SLC35G6: variants seen among roughly 807,000 people sequenced by gnomAD.
SLC35G6 encodes acyl-malonyl condensing enzyme 1-like 3.
A neutral mutation model predicts 20.3 loss-of-function variants in SLC35G6; 18 were observed. That is an observed-to-expected ratio of 0.88 (90% confidence interval 0.61 to 1.31). SLC35G6 has a LOEUF of 1.31. Ranked by LOEUF, SLC35G6 falls within the 40% of genes most tolerant of loss-of-function variation. The pLI, the probability that SLC35G6 is intolerant of heterozygous loss-of-function variation, is 0.00. For synonymous variants in SLC35G6, 156 were observed against 200.9 expected (o/e 0.78, Z 1.89); for missense variants, 372 against 433.4 (o/e 0.86, Z 1.26).
Position 7,482,023 on chromosome 17 carries a change from C to T in SLC35G6, c.39C>T (p.Ser13=), listed in dbSNP as rs758689703. The part of the protein sequence containing the change: ...GSHPYLNPPD[S]THPSPPSAPP... ...ACCCCTACTTGAACCCGCCTGACTC[C>T]ACACACCCATCGCCGCCCTCCGCTC... is the stretch of plus-strand genomic sequence containing the variant. Residue 13 remains serine (S), a synonymous_variant, in exon 2 of 2, where the codon TCC becomes TCT. Coordinates refer to ENST00000412468, the MANE Select transcript of SLC35G6 (RefSeq NM_001102614.2). 7 of 1,610,912 alleles carry T rather than the reference C, an allele frequency of 4.3e-6. No individual in the cohort carries two copies. In the South Asian group the frequency reaches 7.7e-5, roughly 18 times the overall value.
chr17:7,483,002 G>T lies in SLC35G6; in HGVS notation c.*1G>T. The T allele has an allele frequency of 6.2e-7, 1 of 1,611,982 alleles. No homozygotes were observed. The highest frequency in any genetic ancestry group is 8.5e-7 in the Non-Finnish European group (1 of 1,179,848). ...GAGGGAAGGGAAGGTGGAGGAGTGA[G>T]ATAGAACTTGGGAGCCCGGGGGTTG... On this transcript the variant is annotated 3_prime_UTR_variant, in exon 2 of 2. Coordinates refer to ENST00000412468, the MANE Select transcript of SLC35G6 (RefSeq NM_001102614.2).
Position 7,482,762 on chromosome 17 carries a change from G to C in SLC35G6, c.778G>C (p.Gly260Arg), listed in dbSNP as rs1242920071. ...LPSWSCVGAV[G>R]ILALVSFTCV... ...GAGTTGGAGTTGTGTGGGGGCAGTGGGGATCCTCGCCTTGGTCTCCTTCAC... is the reference window on the plus strand; with the variant it reads ...GAGTTGGAGTTGTGTGGGGGCAGTGCGGATCCTCGCCTTGGTCTCCTTCAC... The change falls in exon 2 of 2, where the codon GGG (glycine) becomes CGG (arginine). Residue 260 changes from glycine (G) to arginine (R), a missense_variant. Physicochemically the swap from Gly to Arg is moderately radical, Grantham distance 125. Transcript: ENST00000412468. 1 of 1,611,940 alleles carries C rather than the reference G, an allele frequency of 6.2e-7. No homozygotes were observed. Among genetic ancestry groups the C allele is most frequent in the Non-Finnish European group, 8.5e-7 (1 of 1,179,880 alleles).
Position 7,482,850 on chromosome 17 carries a change from A to C in SLC35G6, c.866A>C (p.Glu289Ala). ...PALVCAVLHS[E>A]VVVALILQYY... ...CTGGTGTGCGCTGTCCTGCATTCCG[A>C]GGTGGTGGTGGCCCTTATACTGCAG... The change falls in exon 2 of 2, where the codon GAG becomes GCG. Residue 289 changes from glutamate to alanine, a missense_variant. Transcript: ENST00000412468. 1 of 1,611,882 alleles carries C rather than the reference A, an allele frequency of 6.2e-7. No homozygotes were observed. The highest frequency in any genetic ancestry group is 2.2e-5 in the East Asian group (1 of 44,868).
chr17:7,481,914 T>G, intron 1 of SLC35G6, 74 bp from the exon 2 acceptor site: 1 of 1,525,126 alleles, frequency 6.6e-7, no homozygotes, highest in South Asian at 1.3e-5. Flanking sequence ...CCAGACCCCA[T>G]CCTGGCATCT....
rs572181840 is a variant in SLC35G6 at position 7,483,444 on chromosome 17, C to G, written c.*443C>G. On this transcript the variant is annotated 3_prime_UTR_variant, in exon 2 of 2. Coordinates refer to ENST00000412468, the MANE Select transcript of SLC35G6 (RefSeq NM_001102614.2). Reference sequence around the variant, plus strand: ...TTCCTTTCCTCGTGCTTGTGCCCCCCCCTTGGGGTGGTGACGTGACATTGA... The same window carrying G: ...TTCCTTTCCTCGTGCTTGTGCCCCCGCCTTGGGGTGGTGACGTGACATTGA... The G allele has an allele frequency of 6.2e-5, 16 of 258,386 alleles. No homozygotes were observed. The highest frequency in any genetic ancestry group is 1.4e-3 in the Middle Eastern group (1 of 714). The allele number at this position is 258,386 out of a possible 1,614,324, so 16.0% of individuals were successfully genotyped here.
chr17:7,481,598 T>C, intron 1 of SLC35G6, 79 bp downstream of exon 1: 1 of 1,073,530 alleles, frequency 9.3e-7, no homozygotes, highest in Non-Finnish European at 1.3e-6. Context: ...TCCTAAAACT[T>C]AGCTGTCTCA....
At position 7,483,048 on chromosome 17, in the gene SLC35G6, A is replaced by G; in HGVS notation, c.*47A>G. On this transcript the variant is annotated 3_prime_UTR_variant, in exon 2 of 2. Coordinates refer to ENST00000412468, the MANE Select transcript of SLC35G6 (RefSeq NM_001102614.2). ...GGTTGGGAGGGACAGGGATAAATAG[A>G]GGCAAAGACTGAAGACAAACATGGG... 1 of 1,611,214 alleles carries G rather than the reference A, an allele frequency of 6.2e-7. No individual in the cohort carries two copies. Among genetic ancestry groups the G allele is most frequent in the East Asian group, 2.2e-5 (1 of 44,878 alleles).
chr17:7,482,204 A>G lies in SLC35G6; in HGVS notation c.220A>G (p.Ile74Val). The G allele has an allele frequency of 6.2e-7, 1 of 1,613,956 alleles. No homozygotes were observed. The highest frequency in any genetic ancestry group is 8.5e-7 in the Non-Finnish European group (1 of 1,179,876). Reference sequence around the variant, plus strand: ...CAACCTGCCCTCGCTGGAGCTGCTCATCTGTCGATGCCTCTTCCACCTCCC... The same window carrying G: ...CAACCTGCCCTCGCTGGAGCTGCTCGTCTGTCGATGCCTCTTCCACCTCCC... ...ASNLPSLELL[I>V]CRCLFHLPIA... Residue 74 changes from isoleucine (I) to valine (V), a missense_variant, in exon 2 of 2, where the codon ATC becomes GTC. Transcript: ENST00000412468.
At chr17:7,481,839 G>T in intron 1 of SLC35G6, 149 bp from the exon 2 acceptor site, 1 of 1,157,266 alleles carries the variant, frequency 8.6e-7, no homozygotes. Flanking sequence ...TCATCTTTTA[G>T]GCCCTTTCTA....
chr17:7,482,738 A>G lies in SLC35G6; in HGVS notation c.754A>G (p.Ser252Gly), dbSNP rs1451835871. ...CCCCGTGTTGCCCAGTGATCTCCCG[A>G]GTTGGAGTTGTGTGGGGGCAGTGGG... ...QPPVLPSDLP[S>G]WSCVGAVGIL... Residue 252 changes from serine to glycine, a missense_variant, in exon 2 of 2, where the codon AGT becomes GGT. Ser to Gly is a moderately conservative substitution (Grantham distance 56). Transcript: ENST00000412468. 1 of 1,611,826 alleles carries G rather than the reference A, an allele frequency of 6.2e-7. No individual in the cohort carries two copies. Among genetic ancestry groups the G allele is most frequent in the Non-Finnish European group, 8.5e-7 (1 of 1,179,812 alleles).
rs891487530 is a variant in SLC35G6, at chr17:7,483,265, C to T, written c.*264C>T. On this transcript the variant is annotated 3_prime_UTR_variant, in exon 2 of 2. Transcript: ENST00000412468. The stretch of plus-strand genomic sequence containing the variant: ...GTAAAGTCTGAGGAGCAGATCCAAA[C>T]GGCTGAGGCAGGGAGGCCGTGGGCC... 36 of 639,678 alleles carry T rather than the reference C, an allele frequency of 5.6e-5. No homozygotes were observed. The highest frequency in any genetic ancestry group is 9.4e-5 in the Admixed American group (3 of 32,078). The allele number at this position is 639,678 out of a possible 1,614,324, so 39.6% of individuals were successfully genotyped here. A position where few individuals can be genotyped will look rare whatever the true frequency, so the allele number is the denominator to read the frequency against.
chr17:7,481,846 T>C, intron 1 of SLC35G6, 142 bp from the exon 2 acceptor site: 1 of 1,240,468 alleles, frequency 8.1e-7, no homozygotes, highest in South Asian at 1.6e-5. Context: ...TTAGGCCCTT[T>C]CTAGCTCCGA....
At chr17:7,481,846 T>G (rs1286662859) in intron 1 of SLC35G6, 142 bp from the exon 2 acceptor site, 3 of 1,240,350 alleles carry the variant, frequency 2.4e-6, no homozygotes, top group East Asian at 5.1e-5. Context: ...TTAGGCCCTT[T>G]CTAGCTCCGA....
At position 7,482,697 on chromosome 17, in the gene SLC35G6, T is replaced by A. The variant is rs777942524; in HGVS notation, c.713T>A (p.Leu238His). ...LVGLLGSVPG[L>H]FVLQPPVLPS... Reference sequence around the variant, plus strand: ...GGGCTGCTGGGCTCTGTGCCAGGCCTCTTTGTGCTGCAGCCCCCCGTGTTG... The same window carrying A: ...GGGCTGCTGGGCTCTGTGCCAGGCCACTTTGTGCTGCAGCCCCCCGTGTTG... Residue 238 changes from leucine to histidine, a missense_variant, in exon 2 of 2, where the codon CTC becomes CAC. By Grantham distance (99) the Leu-to-His change is moderately conservative. Coordinates refer to ENST00000412468, the MANE Select transcript of SLC35G6 (RefSeq NM_001102614.2). 1.2e-6 allele frequency: 2 copies of A among 1,612,044 alleles called. No individual in the cohort carries two copies. The highest frequency in any genetic ancestry group is 4.5e-5 in the East Asian group (2 of 44,884).
Position 7,481,571 on chromosome 17 carries a change from C to T in SLC35G6, c.3+52C>T, listed in dbSNP as rs2070345926. 2.2e-6 allele frequency: 3 copies of T among 1,340,590 alleles called. No individual in the cohort carries two copies. The East Asian group carries it at 7.7e-5, about 34-fold the overall frequency. The allele number at this position is 1,340,590 out of a possible 1,614,324, so 83.0% of individuals were successfully genotyped here. A position where few individuals can be genotyped will look rare whatever the true frequency, so the allele number is the denominator to read the frequency against. ...ACTCCCTCCCTATAGCTCCTGGTTG[C>T]TCCATTTCCCCTCCTTTCCTAAAAC... On this transcript the variant is annotated intron_variant, in intron 1 of 1. Transcript: ENST00000412468.
rs776590721 is a variant in SLC35G6, at chr17:7,482,283, T to C, written c.299T>C (p.Ile100Thr). The C allele has an allele frequency of 8.1e-6, 13 of 1,613,888 alleles. No homozygotes were observed. The Admixed American group carries it at 2.2e-4, about 27-fold the overall frequency. ...RGDPLLGPPDIRGRAYFYALL... is the reference protein window; with the variant it reads ...RGDPLLGPPDTRGRAYFYALL... ...GACCCCCTTCTGGGACCTCCTGACATCCGAGGCCGGGCCTACTTCTATGCC... is the reference window on the plus strand; with the variant it reads ...GACCCCCTTCTGGGACCTCCTGACACCCGAGGCCGGGCCTACTTCTATGCC... The change falls in exon 2 of 2, where the codon ATC (isoleucine) becomes ACC (threonine). Residue 100 changes from isoleucine (I) to threonine (T), a missense_variant. By Grantham distance (89) the Ile-to-Thr change is moderately conservative (BLOSUM62 -1). Coordinates refer to ENST00000412468, the MANE Select transcript of SLC35G6 (RefSeq NM_001102614.2).
At position 7,482,862 on chromosome 17, in the gene SLC35G6, C is replaced by T. The variant is rs772733752; in HGVS notation, c.878C>T (p.Ala293Val). 3 of 1,611,988 alleles carry T rather than the reference C, an allele frequency of 1.9e-6. No individual in the cohort carries two copies. In the South Asian group the frequency reaches 3.3e-5, roughly 18 times the overall value. Residue 293 changes from alanine to valine, a missense_variant, in exon 2 of 2, where the codon GCC (alanine) becomes GTC (valine). By Grantham distance (64) the Ala-to-Val change is moderately conservative. Transcript: ENST00000412468. ...GTCCTGCATTCCGAGGTGGTGGTGG[C>T]CCTTATACTGCAGTATTATATGCTC... is the stretch of plus-strand genomic sequence containing the variant. ...CAVLHSEVVVALILQYYMLHE... is the reference protein window; with the variant it reads ...CAVLHSEVVVVLILQYYMLHE...
rs762576433 is a variant in SLC35G6 at position 7,481,985 on chromosome 17, C to T, written c.4-3C>T. ...CTACCCTGAGCTCCTTTCTCCCTAA[C>T]AGGCTGGCAGTCACCCCTACTTGAA... On this transcript the variant is annotated splice_polypyrimidine_tract_variant and splice_region_variant and intron_variant, in intron 1 of 1. Transcript: ENST00000412468. 2 of 1,583,846 alleles carry T rather than the reference C, an allele frequency of 1.3e-6. No individual in the cohort carries two copies. Among genetic ancestry groups the T allele is most frequent in the East Asian group, 2.2e-5 (1 of 44,618 alleles).
rs753538686 is a variant in SLC35G6, at chr17:7,482,563, T to C, written c.579T>C (p.Tyr193=). The C allele has an allele frequency of 1.9e-6, 3 of 1,612,380 alleles. No homozygotes were observed. The highest frequency in any genetic ancestry group is 2.2e-5 in the East Asian group (1 of 44,894). The part of the protein sequence containing the change: ...GITGVYTALG[Y]GQAFVGGLAL... ...CGGGTGTCTACACCGCCCTGGGCTA[T>C]GGGCAGGCTTTCGTGGGAGGACTGG... Residue 193 remains tyrosine, a synonymous_variant, in exon 2 of 2, where the codon TAT becomes TAC. Coordinates refer to ENST00000412468, the MANE Select transcript of SLC35G6 (RefSeq NM_001102614.2).
Sources: gnomAD v4.1 joint callset for allele counts on GRCh38, gnomAD v4.1.1 for gene constraint, MANE v1.5 for transcripts, NCBI Gene and HGNC (gene_info 2026-07-23, HGNC 2026-07-21) for gene names.